The following TAFA1 variants were observed in gnomAD, a reference collection of about 807,000 sequenced individuals.
TAFA1 encodes the protein chemokine-like protein TAFA-1.
Under a neutral mutation model 18.5 loss-of-function variants are expected in TAFA1, and 4 were observed. The ratio of observed to expected loss-of-function variants is 0.22; its 90% CI spans 0.11 to 0.49. TAFA1 has a LOEUF of 0.49. TAFA1 is among the 20% of genes least tolerant of loss of function. TAFA1 has a pLI of 0.98. For synonymous variants in TAFA1, 56 were observed against 55.2 expected (o/e 1.01, Z -0.06); for missense variants, 147 against 169.0 (o/e 0.87, Z 0.72).
chr3:68,517,973 C>T (rs2106744020), intron 3 of TAFA1, among the ~76,000 whole-genome samples: 1 of 152,172 alleles, frequency 6.6e-6, no homozygotes, highest in East Asian at 1.9e-4. Flanking sequence ...CACTTTTGCT[C>T]CAGAAATGCT....
intron 2 of TAFA1, among the ~76,000 whole-genome samples, chr3:68,281,246 T>C (rs1559597603): frequency 6.6e-6 from 1 of 152,112 alleles, no homozygotes; most frequent in Non-Finnish European, 1.5e-5. Flanking sequence ...AAGGGAAGAA[T>C]GGATATAAAC....
intron 3 of TAFA1, among the ~76,000 whole-genome samples, chr3:68,476,258 G>T (rs1054159177): frequency 3.3e-5 from 5 of 152,294 alleles, no homozygotes; most frequent in South Asian, 2.1e-4. Context: ...GAAAATTTTT[G>T]CTGGCTTCTA....
chr3:68,451,894 G>A (rs1430858924), intron 3 of TAFA1, among the ~76,000 whole-genome samples: 1 of 152,172 alleles, frequency 6.6e-6, no homozygotes, highest in Admixed American at 6.5e-5. Flanking sequence ...AACTTAAGTG[G>A]GAGACCATAC....
intron 2 of TAFA1, among the ~76,000 whole-genome samples, chr3:68,400,418 T>C (rs1395936906): frequency 6.6e-6 from 1 of 152,208 alleles, no homozygotes; most frequent in African/African-American, 2.4e-5. Context: ...AAAACTATAG[T>C]GCATTCCTAG....
intron 2 of TAFA1, among the ~76,000 whole-genome samples, chr3:68,319,536 T>C (rs892632431): frequency 6.6e-6 from 1 of 152,212 alleles, no homozygotes; most frequent in African/African-American, 2.4e-5. Context: ...TACTGCAAAG[T>C]TGAGAAACCC....
At chr3:68,067,600 CA>C (rs2106740362) in intron 2 of TAFA1, among the ~76,000 whole-genome samples, 1 of 152,262 alleles carries the variant, frequency 6.6e-6, no homozygotes, top group Non-Finnish European at 1.5e-5. Flanking sequence ...AGTGGTTTTA[CA>C]GGATTATTTT....
intron 2 of TAFA1, among the ~76,000 whole-genome samples, chr3:68,325,349 T>C (rs1575778312): frequency 6.6e-6 from 1 of 152,308 alleles, no homozygotes; most frequent in East Asian, 1.9e-4. Context: ...AAATACTAAT[T>C]ATGTGACCTT....
At chr3:68,259,946 T>C (rs1415191504) in intron 2 of TAFA1, among the ~76,000 whole-genome samples, 2 of 151,844 alleles carry the variant, frequency 1.3e-5, no homozygotes, top group East Asian at 1.9e-4. Context: ...TCCTGCCTAA[T>C]TGCCCTGGCC....
At chr3:68,463,826 T>C (rs968606609) in intron 3 of TAFA1, among the ~76,000 whole-genome samples, 2 of 152,168 alleles carry the variant, frequency 1.3e-5, no homozygotes, top group Admixed American at 6.6e-5. Context: ...TTATGGACCA[T>C]AGCATTTACA....
intron 2 of TAFA1, among the ~76,000 whole-genome samples, chr3:68,154,909 A>T (rs1348561234): frequency 6.6e-6 from 1 of 152,214 alleles, no homozygotes; most frequent in African/African-American, 2.4e-5. Context: ...GAAGACAGGG[A>T]AAAAGACCAA....
chr3:68,457,548 G>T (rs2071687999), intron 3 of TAFA1, among the ~76,000 whole-genome samples: 1 of 152,096 alleles, frequency 6.6e-6, no homozygotes, highest in Non-Finnish European at 1.5e-5. Flanking sequence ...AGGGCCAACT[G>T]TATATCAACT....
chr3:68,139,174 A>G (rs1321539384), intron 2 of TAFA1, among the ~76,000 whole-genome samples: 1 of 152,216 alleles, frequency 6.6e-6, no homozygotes, highest in African/African-American at 2.4e-5. Context: ...ATCATTATAT[A>G]CATAATATTT....
At position 68,192,479 on chromosome 3, in the gene TAFA1, A is replaced by G. The variant is rs1193085174; in HGVS notation, c.118+185735A>G. On this transcript the variant is annotated intron_variant, in intron 2 of 4. Transcript: ENST00000478136. ...CGCAAGTTGCTCATTGAGCACCATTATGATGTGCCTTCATCATCCCATTGA... is the reference window on the plus strand; with the variant it reads ...CGCAAGTTGCTCATTGAGCACCATTGTGATGTGCCTTCATCATCCCATTGA... 6 of 204,762 alleles carry G rather than the reference A, an allele frequency of 2.9e-5. No individual in the cohort carries two copies. The South Asian group carries it at 3.1e-4, about 11-fold the overall frequency. 12.7% of individuals were successfully genotyped at this position (204,762 alleles called of 1,614,324 possible).
chr3:68,426,383 T>C (rs914549664), intron 3 of TAFA1, among the ~76,000 whole-genome samples: 1 of 151,892 alleles, frequency 6.6e-6, no homozygotes, highest in Non-Finnish European at 1.5e-5. Context: ...CCTACAGGTA[T>C]AGACATATAA....
At chr3:68,090,378 G>GA (rs1362239354) in intron 2 of TAFA1, among the ~76,000 whole-genome samples, 1 of 152,088 alleles carries the variant, frequency 6.6e-6, no homozygotes, top group Non-Finnish European at 1.5e-5. Flanking sequence ...TCATGACCAG[G>GA]ACACTAACAA....
intron 2 of TAFA1, among the ~76,000 whole-genome samples, chr3:68,267,731 C>G (rs944740867): frequency 6.6e-6 from 1 of 151,802 alleles, no homozygotes; most frequent in Non-Finnish European, 1.5e-5. Flanking sequence ...TGGATCTATG[C>G]ATGTTTTAAC....
chr3:68,077,743 G>A (rs1393863192), intron 2 of TAFA1, among the ~76,000 whole-genome samples: 2 of 151,566 alleles, frequency 1.3e-5, no homozygotes, highest in Non-Finnish European at 2.9e-5. Context: ...CAGGTAGTGT[G>A]ATGCCTCCAG....
chr3:68,439,772 G>C (rs77468963), intron 3 of TAFA1, among the ~76,000 whole-genome samples: 1 of 151,676 alleles, frequency 6.6e-6, no homozygotes, highest in Non-Finnish European at 1.5e-5. Flanking sequence ...AGACACACCC[G>C]GGATCGATAC....
intron 2 of TAFA1, among the ~76,000 whole-genome samples, chr3:68,040,050 G>A (rs1450630148): frequency 1.3e-5 from 2 of 152,162 alleles, no homozygotes. Context: ...GAAGCTGCTG[G>A]TATGTGGAAC....
Sources: allele counts gnomAD v4.1 joint callset (sites outside exome capture counted in the v4.1 genomes callset), GRCh38; gene constraint gnomAD v4.1.1; transcripts MANE v1.5; gene names NCBI Gene and HGNC (gene_info 2026-07-23, HGNC 2026-07-21).